The following TTC39C variants were observed in gnomAD, a reference collection of about 807,000 sequenced individuals.
TTC39C encodes tetratricopeptide repeat protein 39C.
TTC39C carries 33 observed loss-of-function variants against 76.3 expected under a neutral mutation model. The observed-to-expected ratio is 0.43, with a 90% CI of 0.33 to 0.58. The LOEUF (loss-of-function observed/expected upper bound fraction) is 0.58, where lower values mean the gene tolerates loss of function less well. Ranked by LOEUF, TTC39C falls within the 20% of genes least tolerant of loss-of-function variation. The probability of loss-of-function intolerance (pLI) is 0.04; values close to 1 mark genes in which losing one functional copy is unlikely to be tolerated. For missense variants in TTC39C, 595 were observed against 701.4 expected, an observed-to-expected ratio of 0.85 and a Z score of 1.71; for synonymous variants, 254 against 260.6, an observed-to-expected ratio of 0.97 and a Z score of 0.24.
intron 1 of TTC39C, among the ~76,000 whole-genome samples, chr18:24,029,819 T>C (rs1246191259): frequency 6.6e-6 from 1 of 152,278 alleles, no homozygotes; most frequent in East Asian, 1.9e-4. Flanking sequence ...CAGGTTACTG[T>C]GAATGTGATT....
At chr18:24,081,506 A>G (rs1053429713) in intron 5 of TTC39C, among the ~76,000 whole-genome samples, 2 of 152,206 alleles carry the variant, frequency 1.3e-5, no homozygotes, top group African/African-American at 4.8e-5. Context: ...CAATTTCTAC[A>G]TCAGTTAAAA....
chr18:24,112,321 C>T (rs74517119), intron 6 of TTC39C, among the ~76,000 whole-genome samples: 20 of 152,316 alleles, frequency 1.3e-4, no homozygotes, highest in African/African-American at 4.3e-4. Context: ...ATCACATCTG[C>T]ATACACACTC....
chr18:24,078,776 A>G (rs571686903), intron 4 of TTC39C, among the ~76,000 whole-genome samples: 22 of 152,118 alleles, frequency 1.4e-4, no homozygotes, highest in African/African-American at 5.3e-4. Flanking sequence ...AAGAAAAATC[A>G]GTGTTCAATG....
chr18:24,105,236 C>T (rs1568439269), intron 6 of TTC39C, among the ~76,000 whole-genome samples: 1 of 152,080 alleles, frequency 6.6e-6, no homozygotes, highest in Non-Finnish European at 1.5e-5. Context: ...TGGCCAATAA[C>T]ATGTGAACCT....
chr18:24,009,270 G>A (rs2083378341), intron 1 of TTC39C, among the ~76,000 whole-genome samples: 1 of 152,066 alleles, frequency 6.6e-6, no homozygotes, highest in South Asian at 2.1e-4. Context: ...AACCCACCAG[G>A]GCACTGAATA....
intron 1 of TTC39C, among the ~76,000 whole-genome samples, chr18:24,033,218 A>G (rs2083693335): frequency 6.6e-6 from 1 of 152,216 alleles, no homozygotes. Flanking sequence ...ATGCCACTGT[A>G]CTCTAGCCTG....
intron 1 of TTC39C, among the ~76,000 whole-genome samples, chr18:24,045,892 A>AAAAAAAAAAAAAATATAT (rs1435790388): frequency 1.6e-5 from 1 of 61,230 alleles, no homozygotes; most frequent in Non-Finnish European, 2.6e-5. Context: ...CTTCTGTGAA[A>AAAAAAAAAAAAAATATAT]ATATATATAT....
At chr18:24,069,111 T>C (rs945971820) in intron 3 of TTC39C, 46 bp from the exon 4 acceptor site, 1 of 1,411,546 alleles carries the variant, frequency 7.1e-7, no homozygotes, top group Non-Finnish European at 1.0e-6. Context: ...GGAACTGTCG[T>C]TGTTATGTGT....
At chr18:24,051,098 TTAA>T (rs1164505903) in intron 1 of TTC39C, among the ~76,000 whole-genome samples, 2 of 152,126 alleles carry the variant, frequency 1.3e-5, no homozygotes, top group African/African-American at 4.8e-5. Context: ...GAGCGGCTCA[TTAA>T]TGATCTACCT....
chr18:24,111,483 C>T (rs1297867396), intron 6 of TTC39C, among the ~76,000 whole-genome samples: 2 of 151,414 alleles, frequency 1.3e-5, no homozygotes, highest in South Asian at 2.1e-4. Flanking sequence ...GCAGGAGAAT[C>T]GCTTGAACCC....
At chr18:23,995,685 T>C (rs926173504) in intron 1 of TTC39C, among the ~76,000 whole-genome samples, 1 of 151,386 alleles carries the variant, frequency 6.6e-6, no homozygotes, top group Non-Finnish European at 1.5e-5. Flanking sequence ...TGGGCAACCA[T>C]AGCAAAACCC....
upstream of TTC39C, among the ~76,000 whole-genome samples, chr18:24,011,038 C>A (rs1161125885): frequency 2.0e-5 from 3 of 152,088 alleles, no homozygotes; most frequent in Non-Finnish European, 2.9e-5. Flanking sequence ...AAGAGTGAGA[C>A]CCTGTCTCAA....
intron 6 of TTC39C, among the ~76,000 whole-genome samples, chr18:24,089,652 T>C (rs1402555218): frequency 1.3e-5 from 2 of 152,174 alleles, no homozygotes; most frequent in Non-Finnish European, 2.9e-5. Flanking sequence ...GAAAAGCAAG[T>C]AGAAGGTTAA....
Position 24,134,860 on chromosome 18 carries a change from T to C in TTC39C, c.*2286T>C, listed in dbSNP as rs1379001898. 1 of 152,246 alleles carries C rather than the reference T, an allele frequency of 6.6e-6. No individual in the cohort carries two copies. Among genetic ancestry groups the C allele is most frequent in the East Asian group, 1.9e-4 (1 of 5,206 alleles). The allele number at this position is 152,246 out of a possible 1,614,324, so 9.4% of individuals were successfully genotyped here. On this transcript the variant is annotated 3_prime_UTR_variant, in exon 14 of 14. Transcript: ENST00000317571. ...TCTGCCTGCTTAAAAAAAATACTTT[T>C]ATTTCCCCACAGAGAGTTCAGGACT...
intron 6 of TTC39C, 76 bp from the exon 7 acceptor site, chr18:24,114,478 G>T: frequency 1.8e-6 from 2 of 1,119,178 alleles, no homozygotes; most frequent in Non-Finnish European, 2.7e-6. Flanking sequence ...GAAGGAAAAA[G>T]ATGCTTTTGA....
At chr18:24,047,094 C>CT (rs113247174) in intron 1 of TTC39C, among the ~76,000 whole-genome samples, 17 of 150,868 alleles carry the variant, frequency 1.1e-4, no homozygotes, top group African/African-American at 2.5e-4. Flanking sequence ...ATATATATTT[C>CT]TTTTTTTTTC....
chr18:24,125,785 T>G (rs1187360811), intron 10 of TTC39C: 1 of 463,938 alleles, frequency 2.2e-6, no homozygotes, highest in Non-Finnish European at 3.8e-6. Flanking sequence ...TGTGCTGCTT[T>G]TGTTATAAAT....
intron 6 of TTC39C, among the ~76,000 whole-genome samples, chr18:24,084,916 C>T (rs2145765783): frequency 6.6e-6 from 1 of 152,300 alleles, no homozygotes; most frequent in East Asian, 1.9e-4. Context: ...CCTCCAGCCT[C>T]GGCCTCCCAA....
At chr18:24,075,371 A>G (rs564348468) in intron 4 of TTC39C, among the ~76,000 whole-genome samples, 1 of 152,176 alleles carries the variant, frequency 6.6e-6, no homozygotes, top group African/African-American at 2.4e-5. Flanking sequence ...AAACTAAATC[A>G]TCTTTTGTCC....
Sources: gnomAD v4.1 joint callset for allele counts (sites outside exome capture counted in the v4.1 genomes callset) on GRCh38, gnomAD v4.1.1 for gene constraint, MANE v1.5 for transcripts, NCBI Gene and HGNC (gene_info 2026-07-23, HGNC 2026-07-21) for gene names.